SPTLC3: variants seen among roughly 807,000 people sequenced by gnomAD.
SPTLC3 encodes the protein serine palmitoyltransferase 3.
A neutral mutation model predicts 59.3 loss-of-function variants in SPTLC3; 36 were observed. The observed-to-expected ratio is 0.61, with a 90% confidence interval of 0.47 to 0.80. SPTLC3 has a LOEUF of 0.80. Ranked by LOEUF, SPTLC3 falls within the 30% of genes least tolerant of loss-of-function variation. The pLI is 0.00. For missense variants in SPTLC3, 625 were observed against 685.1 expected (o/e 0.91, Z 0.98); for synonymous variants, 257 against 240.8 (o/e 1.07, Z -0.62).
intron 2 of SPTLC3, among the ~76,000 whole-genome samples, chr20:13,057,992 A>G (rs1022833822): frequency 6.6e-6 from 1 of 152,208 alleles, no homozygotes; most frequent in African/African-American, 2.4e-5. Context: ...CCCAATATCA[A>G]ACAAGTTCTG....
At chr20:13,056,767 A>G (rs1987749304) in intron 2 of SPTLC3, among the ~76,000 whole-genome samples, 1 of 142,044 alleles carries the variant, frequency 7.0e-6, no homozygotes, top group Non-Finnish European at 1.5e-5. Context: ...TTTAAGAGAG[A>G]GTCTCACTCT....
At chr20:13,040,088 T>A (rs1049849660) in intron 1 of SPTLC3, among the ~76,000 whole-genome samples, 5 of 151,614 alleles carry the variant, frequency 3.3e-5, no homozygotes, top group African/African-American at 1.2e-4. Flanking sequence ...TATGTATACA[T>A]ATTGAGAAAG....
At chr20:13,085,082 A>T (rs914858399) in intron 4 of SPTLC3, among the ~76,000 whole-genome samples, 3 of 152,072 alleles carry the variant, frequency 2.0e-5, no homozygotes, top group Admixed American at 2.0e-4. Flanking sequence ...TGAAGGCCTG[A>T]GTGAGTGGGC....
chr20:13,107,017 C>A (rs1012688128), intron 6 of SPTLC3, among the ~76,000 whole-genome samples: 1 of 152,166 alleles, frequency 6.6e-6, no homozygotes, highest in Non-Finnish European at 1.5e-5. Flanking sequence ...ATGTAGTCTG[C>A]AGCAAGTTCC....
chr20:13,059,144 C>A (rs1226596496), intron 2 of SPTLC3, among the ~76,000 whole-genome samples: 2 of 152,168 alleles, frequency 1.3e-5, no homozygotes, highest in Admixed American at 6.5e-5. Flanking sequence ...TAGTTGTTTA[C>A]ATATCTCCCC....
At chr20:13,119,408 C>G (rs1488215108) in intron 8 of SPTLC3, among the ~76,000 whole-genome samples, 9 of 152,192 alleles carry the variant, frequency 5.9e-5, no homozygotes, top group Admixed American at 5.9e-4. Context: ...GCTCTCCATT[C>G]TGATGTCAGC....
At chr20:13,020,142 C>A (rs1289905988) in intron 1 of SPTLC3, among the ~76,000 whole-genome samples, 1 of 151,960 alleles carries the variant, frequency 6.6e-6, no homozygotes, top group Non-Finnish European at 1.5e-5. Flanking sequence ...AATTGATCCA[C>A]CAAAAAAGAG....
intron 9 of SPTLC3, among the ~76,000 whole-genome samples, chr20:13,150,422 G>A (rs375560082): frequency 3.3e-5 from 5 of 152,204 alleles, no homozygotes; most frequent in East Asian, 1.9e-4. Context: ...TGTTCACATT[G>A]CAGATTTAGA....
At chr20:13,058,065 C>G (rs1000370234) in intron 2 of SPTLC3, among the ~76,000 whole-genome samples, 9 of 152,098 alleles carry the variant, frequency 5.9e-5, no homozygotes, top group Non-Finnish European at 1.5e-5. Flanking sequence ...CAGGTATTTC[C>G]TAGTACCCAC....
intron 3 of SPTLC3, chr20:13,073,842 C>A: frequency 1.8e-6 from 1 of 563,858 alleles, no homozygotes; most frequent in Non-Finnish European, 3.5e-6. Flanking sequence ...AAAGTTCCTT[C>A]AACTTCTCTT....
intron 1 of SPTLC3, among the ~76,000 whole-genome samples, chr20:13,014,508 C>T (rs547138844): frequency 6.6e-6 from 1 of 152,210 alleles, no homozygotes; most frequent in African/African-American, 2.4e-5. Context: ...GTAGGAGGTT[C>T]AGGATGCTTA....
chr20:13,025,871 C>T (rs1986116880), intron 1 of SPTLC3, among the ~76,000 whole-genome samples: 2 of 152,104 alleles, frequency 1.3e-5, no homozygotes, highest in South Asian at 4.2e-4. Flanking sequence ...TCCAGATCTT[C>T]TCCCTCCTCC....
intron 9 of SPTLC3, among the ~76,000 whole-genome samples, chr20:13,138,938 A>C (rs570064292): frequency 1.3e-5 from 2 of 152,310 alleles, no homozygotes; most frequent in East Asian, 3.9e-4. Flanking sequence ...TTCCTATAGG[A>C]GACACAATCT....
chr20:13,027,323 T>G (rs143131616), intron 1 of SPTLC3, among the ~76,000 whole-genome samples: 3 of 152,204 alleles, frequency 2.0e-5, no homozygotes, highest in African/African-American at 7.2e-5. Context: ...GATCTCATTG[T>G]ACCCTCAGTC....
At chr20:13,076,795 C>A (rs1568590576) in intron 4 of SPTLC3, among the ~76,000 whole-genome samples, 1 of 152,118 alleles carries the variant, frequency 6.6e-6, no homozygotes, top group Non-Finnish European at 1.5e-5. Context: ...GAGCCCACCT[C>A]CCTGCTGCAA....
At chr20:13,033,638 T>C (rs1480396716) in intron 1 of SPTLC3, among the ~76,000 whole-genome samples, 1 of 152,176 alleles carries the variant, frequency 6.6e-6, no homozygotes, top group African/African-American at 2.4e-5. Flanking sequence ...AGCCAGTCTT[T>C]GTCACACCAG....
At chr20:13,061,557 T>A (rs1356969963) in intron 2 of SPTLC3, among the ~76,000 whole-genome samples, 1 of 152,040 alleles carries the variant, frequency 6.6e-6, no homozygotes, top group Admixed American at 6.6e-5. Context: ...GAGTTTCCCC[T>A]CCAAACCTGT....
chr20:13,134,511 A>G (rs1201070197), intron 9 of SPTLC3, among the ~76,000 whole-genome samples: 3 of 152,192 alleles, frequency 2.0e-5, no homozygotes, highest in African/African-American at 7.2e-5. Context: ...TTACAAGGTC[A>G]TCATACAGCA....
chr20:13,010,449 C>G (rs1013373156), intron 1 of SPTLC3, among the ~76,000 whole-genome samples: 2 of 152,112 alleles, frequency 1.3e-5, no homozygotes, highest in Non-Finnish European at 2.9e-5. Flanking sequence ...TTGGAAGAGG[C>G]TAAAGGAGCT....
Sources: allele counts gnomAD v4.1 joint callset (sites outside exome capture counted in the v4.1 genomes callset), GRCh38; gene constraint gnomAD v4.1.1; transcripts MANE v1.5; gene names NCBI Gene and HGNC (gene_info 2026-07-23, HGNC 2026-07-21).